Variants in PPP2R2B observed in about 807,000 individuals in gnomAD.
The protein encoded by PPP2R2B is serine/threonine-protein phosphatase 2A 55 kDa regulatory subunit B beta isoform.
A neutral mutation model predicts 46.0 loss-of-function variants in PPP2R2B; 5 were observed. The observed-to-expected ratio is 0.11, with a 90% confidence interval of 0.06 to 0.23. The LOEUF (loss-of-function observed/expected upper bound fraction) is 0.23, where lower values mean the gene tolerates loss of function less well. Ranked by LOEUF, PPP2R2B falls within the 10% of genes least tolerant of loss-of-function variation. The pLI, the probability that PPP2R2B is intolerant of heterozygous loss-of-function variation, is 1.00. For missense variants in PPP2R2B, 367 were observed against 575.0 expected (o/e 0.64, Z 3.70); for synonymous variants, 215 against 206.7 (o/e 1.04, Z -0.34).
At chr5:146,883,356 C>A (rs1045779809), upstream of PPP2R2B, among the ~76,000 whole-genome samples, 1 of 152,156 alleles carries the variant, frequency 6.6e-6, no homozygotes, top group Non-Finnish European at 1.5e-5. Flanking sequence ...TTCATGAGAT[C>A]TCCCACTTGC....
intron 1 of PPP2R2B, among the ~76,000 whole-genome samples, chr5:147,004,391 G>T (rs1018503456): frequency 6.6e-5 from 10 of 152,158 alleles, no homozygotes; most frequent in African/African-American, 2.2e-4. Flanking sequence ...GCTGAGCCCT[G>T]GGTACATTTA....
chr5:146,732,077 C>A (rs1752266098), intron 2 of PPP2R2B, among the ~76,000 whole-genome samples: 1 of 152,130 alleles, frequency 6.6e-6, no homozygotes, highest in Non-Finnish European at 1.5e-5. Context: ...ATGACTCAGG[C>A]CTCCTGGAAA....
At chr5:147,039,967 T>C (rs1366753968) in intron 1 of PPP2R2B, among the ~76,000 whole-genome samples, 1 of 152,178 alleles carries the variant, frequency 6.6e-6, no homozygotes, top group East Asian at 1.9e-4. Flanking sequence ...GAAACATTTA[T>C]TGAGTCCCTT....
intron 1 of PPP2R2B, among the ~76,000 whole-genome samples, chr5:146,987,451 T>C (rs1317890705): frequency 1.3e-5 from 2 of 152,066 alleles, no homozygotes; most frequent in Admixed American, 1.3e-4. Flanking sequence ...TATAAAAAGA[T>C]GTAAACTGAA....
At chr5:146,665,832 G>T (rs1776950623) in intron 5 of PPP2R2B, among the ~76,000 whole-genome samples, 1 of 152,090 alleles carries the variant, frequency 6.6e-6, no homozygotes, top group South Asian at 2.1e-4. Flanking sequence ...CTATAACAAG[G>T]ATAATAATGA....
At chr5:147,072,050 T>G (rs1321210670) in intron 2 of PPP2R2B, among the ~76,000 whole-genome samples, 2 of 152,200 alleles carry the variant, frequency 1.3e-5, no homozygotes, top group African/African-American at 4.8e-5. Context: ...CAGGGGAAGA[T>G]GAGCAGTAAA....
chr5:146,677,572 T>C (rs142740224), intron 5 of PPP2R2B, among the ~76,000 whole-genome samples: 1,905 of 119,622 alleles, frequency 0.016, 14 homozygotes, highest in Middle Eastern at 0.023. Flanking sequence ...AGGGTCTCAC[T>C]CTGTCACTCA....
intron 1 of PPP2R2B, among the ~76,000 whole-genome samples, chr5:147,052,596 A>G (rs1756880357): frequency 1.3e-5 from 2 of 152,174 alleles, no homozygotes; most frequent in African/African-American, 4.8e-5. Context: ...CAGAAGGAAA[A>G]GAAAAGCAGC....
chr5:146,783,380 G>A (rs1158288843), intron 2 of PPP2R2B, among the ~76,000 whole-genome samples: 1 of 152,112 alleles, frequency 6.6e-6, no homozygotes, highest in Non-Finnish European at 1.5e-5. Context: ...AAAGATATAT[G>A]CATTGAATAA....
rs201627842 is a variant in PPP2R2B, at chr5:147,063,075, A to AGGAAG, written c.50+17979_50+17983dup. On this transcript the variant is annotated intron_variant, in intron 2 of 10. Coordinates refer to the PPP2R2B transcript ENST00000394413. ...GGGAAGGGAAGAGAAGAGAAGGGAA[A>AGGAAG]GGAAGGGAAGGGAAGGGAAGGGAGA... Among the ~76,000 whole-genome samples, 16 of 149,890 alleles carry AGGAAG rather than the reference A, an allele frequency of 1.1e-4. 1 individual carries two copies. The highest frequency in any genetic ancestry group is 2.2e-4 in the African/African-American group (9 of 40,486).
At chr5:146,794,324 G>C (rs1756388502) in intron 2 of PPP2R2B, among the ~76,000 whole-genome samples, 1 of 152,172 alleles carries the variant, frequency 6.6e-6, no homozygotes, top group Non-Finnish European at 1.5e-5. Context: ...GAACTTTGCA[G>C]AGCAAATGGT....
At chr5:146,632,684 G>C (rs1360384343) in intron 7 of PPP2R2B, among the ~76,000 whole-genome samples, 1 of 152,204 alleles carries the variant, frequency 6.6e-6, no homozygotes, top group Admixed American at 6.5e-5. Flanking sequence ...AGAGATGGTA[G>C]GTGCAGATGG....
At chr5:147,015,491 T>C (rs1400846260) in intron 1 of PPP2R2B, among the ~76,000 whole-genome samples, 3 of 151,628 alleles carry the variant, frequency 2.0e-5, no homozygotes, top group South Asian at 2.1e-4. Flanking sequence ...GTTTTACTCA[T>C]ATTTCAATGC....
chr5:146,626,947 T>A (rs146064648), intron 7 of PPP2R2B, among the ~76,000 whole-genome samples: 164 of 152,274 alleles, frequency 1.1e-3, no homozygotes, highest in African/African-American at 3.9e-3. Flanking sequence ...GTTAAATTAA[T>A]CAAAAATGGA....
At chr5:146,948,105 C>G (rs75717210) in intron 1 of PPP2R2B, among the ~76,000 whole-genome samples, 3 of 152,068 alleles carry the variant, frequency 2.0e-5, no homozygotes, top group South Asian at 2.1e-4. Flanking sequence ...TTCCCTTACC[C>G]TATAAACCCT....
intron 1 of PPP2R2B, among the ~76,000 whole-genome samples, chr5:147,001,980 G>A (rs1469784949): frequency 3.3e-5 from 5 of 152,056 alleles, no homozygotes; most frequent in African/African-American, 7.2e-5. Context: ...GGCCATGAGC[G>A]GAACTCTCAA....
At chr5:146,691,334 G>T (rs2151153276) in intron 4 of PPP2R2B, 94 bp from the exon 5 acceptor site, 1 of 954,254 alleles carries the variant, frequency 1.0e-6, no homozygotes, top group Non-Finnish European at 1.6e-6. Context: ...AAGAGGTAAG[G>T]ATGGATAGAA....
intron 7 of PPP2R2B, among the ~76,000 whole-genome samples, chr5:146,621,350 G>T (rs538978505): frequency 5.9e-5 from 9 of 152,298 alleles, no homozygotes; most frequent in South Asian, 4.1e-4. Context: ...TTTGCCCTTG[G>T]TCACAGGCTA....
chr5:146,781,157 T>TATATATATATATATATATATATAG (rs1755494838), intron 2 of PPP2R2B, among the ~76,000 whole-genome samples: 1 of 115,162 alleles, frequency 8.7e-6, no homozygotes, highest in Non-Finnish European at 1.8e-5. Flanking sequence ...TATATATATA[T>TATATATATATATATATATATATAG]ATATATATAT....
Sources: allele counts gnomAD v4.1 joint callset (sites outside exome capture counted in the v4.1 genomes callset), GRCh38; gene constraint gnomAD v4.1.1; transcripts MANE v1.5; gene names NCBI Gene and HGNC (gene_info 2026-07-23, HGNC 2026-07-21).